The following CCDC197 variants were observed in gnomAD, a reference collection of about 807,000 sequenced individuals.
The protein encoded by CCDC197 is uncharacterized protein CCDC197.
CCDC197 carries 24 observed loss-of-function variants against 13.4 expected under a neutral mutation model. The ratio of observed to expected loss-of-function variants is 1.80; its 90% CI spans 1.30 to 2.53. The LOEUF is 2.53. Among genes scored for constraint, CCDC197 ranks in the 30% most tolerant of loss-of-function variants. The pLI is 0.00. For missense variants in CCDC197, 255 were observed against 148.8 expected (o/e 1.71, Z -3.71); for synonymous variants, 99 against 55.5 (o/e 1.78, Z -3.48).
At chr14:93,998,608 G>A (rs1454802044) in intron 2 of CCDC197, among the ~76,000 whole-genome samples, 1 of 152,176 alleles carries the variant, frequency 6.6e-6, no homozygotes, top group Non-Finnish European at 1.5e-5. Flanking sequence ...CACCCCATGG[G>A]GATGGGAGGT....
At chr14:93,990,318 G>A (rs985105471) in intron 1 of CCDC197, among the ~76,000 whole-genome samples, 3 of 152,070 alleles carry the variant, frequency 2.0e-5, no homozygotes, top group African/African-American at 7.2e-5. Flanking sequence ...TTTCCTTCTC[G>A]GCTTTCAGAG....
intron 3 of CCDC197, among the ~76,000 whole-genome samples, chr14:94,000,649 G>C (rs1567042876): frequency 6.6e-6 from 1 of 152,124 alleles, no homozygotes; most frequent in East Asian, 1.9e-4. Flanking sequence ...ACTGAGCCAA[G>C]GAGGAGTCAG....
At chr14:94,001,352 C>T (rs776246961) in intron 4 of CCDC197, 29 bp downstream of exon 4, 6 of 723,604 alleles carry the variant, frequency 8.3e-6, no homozygotes, top group African/African-American at 7.0e-5. Flanking sequence ...CTGCTCCATT[C>T]CCCGTGGCCC....
In CCDC197 at chr14:93,998,247, C is replaced by G. The variant is rs771315352; in HGVS notation, c.104+12C>G. On this transcript the variant is annotated intron_variant, in intron 2 of 6. Transcript: ENST00000636493. ...CAGCTCCAGGCTAAGTATGTGTTGTCCCACCCCTGCCCCAGCCCCAGCCCC... is the reference window on the plus strand; with the variant it reads ...CAGCTCCAGGCTAAGTATGTGTTGTGCCACCCCTGCCCCAGCCCCAGCCCC... The G allele has an allele frequency of 6.4e-6, 5 of 776,886 alleles. No homozygotes were observed. The highest frequency in any genetic ancestry group is 1.2e-5 in the Non-Finnish European group (5 of 417,528). 48.1% of individuals were successfully genotyped at this position (776,886 alleles called of 1,614,324 possible).
intron 1 of CCDC197, among the ~76,000 whole-genome samples, chr14:93,991,198 A>G (rs1890204695): frequency 6.6e-6 from 1 of 152,196 alleles, no homozygotes; most frequent in South Asian, 2.1e-4. Context: ...GAAAGGGCAG[A>G]TGTTCTAGTG....
At chr14:94,007,043 C>T (rs1002719631) in intron 6 of CCDC197, 1 of 151,984 alleles carries the variant, frequency 6.6e-6, no homozygotes, top group Non-Finnish European at 1.5e-5. Context: ...CCAGGCTGGT[C>T]TTCAACTCTG....
downstream of CCDC197, among the ~76,000 whole-genome samples, chr14:94,010,352 T>C (rs151063547): frequency 0.017 from 2,617 of 152,302 alleles, 47 homozygotes; most frequent in South Asian, 0.057. Context: ...TACAGGCGCG[T>C]GCCACCATGC....
chr14:94,010,545 G>C (rs538701302), downstream of CCDC197, among the ~76,000 whole-genome samples: 1 of 152,332 alleles, frequency 6.6e-6, no homozygotes, highest in South Asian at 2.1e-4. Flanking sequence ...GGGAGCCGCT[G>C]TTCCGAGTTT....
At chr14:94,007,652 C>G (rs1216928261) in intron 6 of CCDC197, 1 of 152,190 alleles carries the variant, frequency 6.6e-6, no homozygotes, top group African/African-American at 2.4e-5. Context: ...GGGTGGGTTT[C>G]AGGCATGGTG....
intron 1 of CCDC197, among the ~76,000 whole-genome samples, chr14:93,991,821 G>A (rs182582940): frequency 1.3e-5 from 2 of 152,240 alleles, no homozygotes; most frequent in East Asian, 1.9e-4. Context: ...GCTCCAGGCC[G>A]AGGGAACCAC....
Position 94,000,229 on chromosome 14 carries a change from A to G in CCDC197, c.187+564A>G, listed in dbSNP as rs189477666. Among the ~76,000 whole-genome samples the G allele has an allele frequency of 2.1e-3, 313 of 152,304 alleles. 1 individual carries two copies. Among genetic ancestry groups the G allele is most frequent in the Non-Finnish European group, 3.2e-3 (217 of 68,034 alleles). ...AATTATTACCATTTATTAAATATGT[A>G]CCCTGTGCTAAGCTCTTTAGCAAAT... On this transcript the variant is annotated intron_variant, in intron 3 of 6. Transcript: ENST00000636493.
downstream of CCDC197, among the ~76,000 whole-genome samples, chr14:94,009,099 C>T (rs749586985): frequency 6.6e-6 from 1 of 152,182 alleles, no homozygotes; most frequent in African/African-American, 2.4e-5. Flanking sequence ...TCCTGGGAGC[C>T]GGGGCTACAT....
intron 5 of CCDC197, 52 bp from the exon 6 acceptor site, chr14:94,004,803 G>T: frequency 1.4e-6 from 1 of 693,544 alleles, no homozygotes; most frequent in South Asian, 1.5e-5. Flanking sequence ...GCAGGGGCAG[G>T]GGATGCTGGG....
At chr14:94,001,623 T>G in intron 4 of CCDC197, 1 of 284,028 alleles carries the variant, frequency 3.5e-6, no homozygotes, top group Non-Finnish European at 6.6e-6. Flanking sequence ...GTGACTAGTT[T>G]GTAGCCTCTC....
intron 6 of CCDC197, chr14:94,007,565 C>T (rs1158753787): frequency 6.6e-6 from 1 of 152,118 alleles, no homozygotes; most frequent in Admixed American, 6.5e-5. Flanking sequence ...GTGAGTCTTC[C>T]AACTTTGTTC....
downstream of CCDC197, among the ~76,000 whole-genome samples, chr14:94,010,739 C>T (rs150204240): frequency 5.3e-3 from 802 of 152,254 alleles, 6 homozygotes; most frequent in African/African-American, 0.018. Context: ...ACGTGGGGCC[C>T]CAAACACCAG....
Position 94,003,944 on chromosome 14 carries a change from G to A in CCDC197, c.498+590G>A, listed in dbSNP as rs577494461. Among the ~76,000 whole-genome samples, 7 of 152,134 alleles carry A rather than the reference G, an allele frequency of 4.6e-5. No individual in the cohort carries two copies. The East Asian group carries it at 5.8e-4, about 13-fold the overall frequency. On this transcript the variant is annotated intron_variant, in intron 5 of 6. Transcript: ENST00000636493. The surrounding 1 kb of genome is among the most constrained non-coding windows in gnomAD (Gnocchi z 5.0). The stretch of plus-strand genomic sequence containing the variant: ...TGTTTGTGGTTAATAATAAGATAAC[G>A]GTGTTTAAGTGAGTGGTTGTTATGT...
chr14:94,010,675 T>A (rs1890793715), downstream of CCDC197, among the ~76,000 whole-genome samples: 1 of 152,178 alleles, frequency 6.6e-6, no homozygotes, highest in Non-Finnish European at 1.5e-5. Context: ...GACTTGCATT[T>A]TGGCTGGAGC....
At position 93,999,580 on chromosome 14, in the gene CCDC197, C is replaced by A. The variant is rs372058394; in HGVS notation, c.105-3C>A. 2.6e-6 allele frequency: 2 copies of A among 780,880 alleles called. No homozygotes were observed. Among genetic ancestry groups the A allele is most frequent in the South Asian group, 2.7e-5 (2 of 74,620 alleles). 48.4% of individuals were successfully genotyped at this position (780,880 alleles called of 1,614,324 possible). On this transcript the variant is annotated splice_polypyrimidine_tract_variant and splice_region_variant and intron_variant, in intron 2 of 6. Coordinates refer to ENST00000636493, the MANE Select transcript of CCDC197 (RefSeq NM_001351596.2). ...GGCCATGTTCCTGCATCTGGCTCTA[C>A]AGGCAGAAGAAGCTCAAGAGAGAAG...
Sources: gnomAD v4.1 joint callset for allele counts (sites outside exome capture counted in the v4.1 genomes callset) on GRCh38, gnomAD v4.1.1 for gene constraint, Gnocchi (gnomAD v3.1) non-coding constraint, MANE v1.5 for transcripts, NCBI Gene and HGNC (gene_info 2026-07-23, HGNC 2026-07-21) for gene names.